TSPAN9: variants seen among roughly 807,000 people sequenced by gnomAD.
The protein encoded by TSPAN9 is tetraspanin 9, also known as tetraspanin-9.
In TSPAN9, 16 loss-of-function variants were observed where a neutral mutation model predicts 31.0. The ratio of observed to expected loss-of-function variants is 0.52; its 90% CI spans 0.35 to 0.78. The LOEUF (loss-of-function observed/expected upper bound fraction) is 0.78. Ranked by LOEUF, TSPAN9 falls within the 30% of genes least tolerant of loss-of-function variation. The pLI is 0.01. For missense variants in TSPAN9, 272 were observed against 312.5 expected, an observed-to-expected ratio of 0.87 and a Z score of 0.98; for synonymous variants, 145 against 121.6, an observed-to-expected ratio of 1.19 and a Z score of -1.27.
rs1051153252 is a variant in TSPAN9, at chr12:3,172,065, A to G, written c.-17-29112A>G. 6.6e-6 allele frequency: 1 copy of G among 152,276 alleles called. No individual in the cohort carries two copies. The highest frequency in any genetic ancestry group is 1.5e-5 in the Non-Finnish European group (1 of 68,064). 9.4% of individuals were successfully genotyped at this position (152,276 alleles called of 1,614,324 possible). ...CTCAGGCTGAGCTGGATGATAAACG[A>G]AAGTGGGACAGAGCTGCAGGATAAA... On this transcript the variant is annotated intron_variant, in intron 2 of 8. Transcript: ENST00000011898. The surrounding 1 kb of genome is among the most constrained non-coding windows in gnomAD (Gnocchi z 4.8).
Position 3,280,558 on chromosome 12 carries a change from G to A in TSPAN9, c.432+75G>A, listed in dbSNP as rs571093101. ...GCCGGTACTTCTAGCTGCCTTCCCC[G>A]GTGACCTGGCCGGGCACCTGTGCTT... On this transcript the variant is annotated intron_variant, in intron 6 of 8. Coordinates refer to ENST00000011898, the MANE Select transcript of TSPAN9 (RefSeq NM_006675.5). The surrounding 1 kb of genome is among the most constrained non-coding windows in gnomAD (Gnocchi z 4.5). The A allele has an allele frequency of 2.5e-4, 343 of 1,394,002 alleles. No homozygotes were observed. In the Middle Eastern group the frequency reaches 3.2e-3, roughly 13 times the overall value. The allele number at this position is 1,394,002 out of a possible 1,614,324, so 86.4% of individuals were successfully genotyped here.
chr12:3,169,488 G>A (rs1003081671), intron 2 of TSPAN9, among the ~76,000 whole-genome samples: 3 of 152,328 alleles, frequency 2.0e-5, no homozygotes, highest in East Asian at 1.9e-4. Flanking sequence ...TGGGCAACAC[G>A]TGTACCTGCC....
Position 3,285,509 on chromosome 12 carries a change from A to C in TSPAN9, c.*2393A>C, listed in dbSNP as rs1862998197. The C allele has an allele frequency of 6.6e-6, 1 of 151,216 alleles. No homozygotes were observed. The allele number at this position is 151,216 out of a possible 1,614,324, so 9.4% of individuals were successfully genotyped here. A position where few individuals can be genotyped will look rare whatever the true frequency, so the allele number is the denominator to read the frequency against. On this transcript the variant is annotated 3_prime_UTR_variant, in exon 9 of 9. Transcript: ENST00000011898. ...GGTCCCCACGCTGCCTTCTTTACTC[A>C]CTCTGCGCTTGGCCGTTTTGTTATT...
intron 2 of TSPAN9, among the ~76,000 whole-genome samples, chr12:3,112,217 GC>G (rs2098319254): frequency 7.5e-6 from 1 of 132,654 alleles, no homozygotes; most frequent in East Asian, 2.2e-4. Context: ...CACTCTTGTT[GC>G]CCAGGATGGA....
At chr12:3,109,055 C>T (rs1195133903) in intron 2 of TSPAN9, among the ~76,000 whole-genome samples, 1 of 152,130 alleles carries the variant, frequency 6.6e-6, no homozygotes, top group Non-Finnish European at 1.5e-5. Flanking sequence ...CCTGTCTCAG[C>T]CTCCCGAGTA....
chr12:3,264,967 C>T (rs779419274), intron 3 of TSPAN9, among the ~76,000 whole-genome samples: 2 of 152,208 alleles, frequency 1.3e-5, no homozygotes, highest in Non-Finnish European at 2.9e-5. Context: ...CCCACACACT[C>T]CAGCTCTGGC....
chr12:3,131,434 G>A (rs1387283669), intron 2 of TSPAN9, among the ~76,000 whole-genome samples: 1 of 152,220 alleles, frequency 6.6e-6, no homozygotes, highest in African/African-American at 2.4e-5. Context: ...CTTACTGGAT[G>A]CCTGTGGGCC....
chr12:3,116,619 C>T (rs971262687), intron 2 of TSPAN9, among the ~76,000 whole-genome samples: 2 of 152,130 alleles, frequency 1.3e-5, no homozygotes, highest in African/African-American at 4.8e-5. Context: ...ACTGGATTCC[C>T]GTCATGTGGC....
chr12:3,123,123 G>A (rs1418170819), intron 2 of TSPAN9, among the ~76,000 whole-genome samples: 1 of 152,178 alleles, frequency 6.6e-6, no homozygotes, highest in East Asian at 1.9e-4. Context: ...CTGATAGAGT[G>A]GCTGGACAAT....
chr12:3,097,102 A>T (rs1180967451), intron 2 of TSPAN9, among the ~76,000 whole-genome samples: 2 of 152,132 alleles, frequency 1.3e-5, no homozygotes, highest in Non-Finnish European at 2.9e-5. Context: ...TCAGAATTTC[A>T]TGCTGAGGAT....
chr12:3,097,969 G>C (rs1275329272), intron 2 of TSPAN9, among the ~76,000 whole-genome samples: 1 of 152,262 alleles, frequency 6.6e-6, no homozygotes, highest in African/African-American at 2.4e-5. Context: ...GTGATGCCGG[G>C]GTCTGTCTTT....
At chr12:3,219,019 G>A (rs2098382855) in intron 3 of TSPAN9, among the ~76,000 whole-genome samples, 1 of 152,230 alleles carries the variant, frequency 6.6e-6, no homozygotes, top group Non-Finnish European at 1.5e-5. Context: ...TTTCTGTTGT[G>A]TCTGAGTTGT....
At chr12:3,248,778 C>T (rs1419973564) in intron 3 of TSPAN9, among the ~76,000 whole-genome samples, 4 of 152,176 alleles carry the variant, frequency 2.6e-5, no homozygotes, top group East Asian at 1.9e-4. Flanking sequence ...TCCCTCACCA[C>T]GTTTCCAGCT....
intron 3 of TSPAN9, among the ~76,000 whole-genome samples, chr12:3,217,100 G>A (rs896773742): frequency 6.6e-6 from 1 of 152,190 alleles, no homozygotes; most frequent in Admixed American, 6.5e-5. Flanking sequence ...TTTCCTCATC[G>A]TTCCCTTTCT....
At chr12:3,268,541 T>C (rs1477704454) in intron 3 of TSPAN9, among the ~76,000 whole-genome samples, 5 of 106,708 alleles carry the variant, frequency 4.7e-5, no homozygotes, top group South Asian at 4.2e-4. Context: ...GCCCTCTCTG[T>C]GTTCCTGCAG....
chr12:3,203,783 T>G (rs2098373349), intron 3 of TSPAN9, among the ~76,000 whole-genome samples: 1 of 152,178 alleles, frequency 6.6e-6, no homozygotes, highest in South Asian at 2.1e-4. Flanking sequence ...AAGTTCATGC[T>G]TGTGTGTAAG....
At chr12:3,135,195 C>T (rs1473986565) in intron 2 of TSPAN9, among the ~76,000 whole-genome samples, 1 of 152,146 alleles carries the variant, frequency 6.6e-6, no homozygotes, top group Admixed American at 6.5e-5. Context: ...GCAATCCTCC[C>T]ACCTTGGCCT....
chr12:3,133,980 G>A (rs1399251813), intron 2 of TSPAN9, among the ~76,000 whole-genome samples: 1 of 152,112 alleles, frequency 6.6e-6, no homozygotes, highest in Non-Finnish European at 1.5e-5. Flanking sequence ...TATAAACAGG[G>A]TCAGCGCTTA....
In TSPAN9 at chr12:3,107,303, C is replaced by T. The variant is rs11062501; in HGVS notation, c.-18+23584C>T. Among the ~76,000 whole-genome samples the T allele has an allele frequency of 0.015, 2,335 of 152,282 alleles. 56 individuals are homozygous for T. Among genetic ancestry groups the T allele is most frequent in the African/African-American group, 0.053 (2,198 of 41,556 alleles). On this transcript the variant is annotated intron_variant, in intron 2 of 8. Coordinates refer to ENST00000011898, the MANE Select transcript of TSPAN9 (RefSeq NM_006675.5). This position sits in a 1 kb window ranked among gnomAD's most constrained non-coding sequence, Gnocchi z 4.1. Reference sequence around the variant, plus strand: ...TGTTTCTTCTGACCTCGAAATCCAGCGAGTGAAAATCTGCGTGAAAACCTG... The same window carrying T: ...TGTTTCTTCTGACCTCGAAATCCAGTGAGTGAAAATCTGCGTGAAAACCTG...
Sources: allele counts gnomAD v4.1 joint callset (sites outside exome capture counted in the v4.1 genomes callset), GRCh38; gene constraint gnomAD v4.1.1; non-coding constraint Gnocchi (gnomAD v3.1); transcripts MANE v1.5; gene names NCBI Gene and HGNC (gene_info 2026-07-23, HGNC 2026-07-21).